The following GK variants were observed in gnomAD, a reference collection of about 807,000 sequenced individuals.
The protein encoded by GK is ATP:glycerol 3-phosphotransferase.
GK carries 9 observed loss-of-function variants against 56.4 expected under a neutral mutation model. The ratio of observed to expected loss-of-function variants is 0.16; its 90% confidence interval spans 0.10 to 0.28. The LOEUF is 0.28. Among genes scored for constraint, GK ranks in the 10% least tolerant of loss-of-function variants. GK has a pLI of 1.00. For missense variants in GK, 161 were observed against 431.4 expected (o/e 0.37, Z 5.55); for synonymous variants, 104 against 144.1 (o/e 0.72, Z 1.99).
At chrX:30,672,585 G>A (rs192065846) in intron 3 of GK, among the ~76,000 whole-genome samples, 27 of 112,066 alleles carry the variant, frequency 2.4e-4, no homozygotes, top group Admixed American at 2.2e-3. Context: ...AGACTGAGGC[G>A]GGCGGATCAC....
At chrX:30,721,910 A>C (rs192946047) in intron 18 of GK, 25 of 112,617 alleles carry the variant, frequency 2.2e-4, no homozygotes, top group Admixed American at 2.1e-3. Context: ...GGTTTTATAT[A>C]TTAGAATTGG....
intron 3 of GK, among the ~76,000 whole-genome samples, chrX:30,675,303 C>A (rs1439041673): frequency 9.3e-6 from 1 of 107,031 alleles, no homozygotes; most frequent in Non-Finnish European, 1.9e-5. Context: ...TCATGCCATT[C>A]TCCTGCCTCA....
At chrX:30,665,188 T>G (rs751394030) in intron 1 of GK, among the ~76,000 whole-genome samples, 2 of 112,120 alleles carry the variant, frequency 1.8e-5, no homozygotes, top group Non-Finnish European at 3.8e-5. Flanking sequence ...TATTCTTGGT[T>G]TTCCTATTCT....
chrX:30,719,384 G>A (rs368603761), intron 14 of GK, 35 bp from the exon 15 acceptor site: 7 of 841,338 alleles, frequency 8.3e-6, no homozygotes, highest in African/African-American at 2.0e-5. Flanking sequence ...CACAATATTT[G>A]TGTGATTTTT....
intron 2 of GK, among the ~76,000 whole-genome samples, chrX:30,667,382 A>T (rs1933156866): frequency 9.0e-6 from 1 of 110,935 alleles, no homozygotes; most frequent in Admixed American, 9.7e-5. Context: ...CTTCTCATTT[A>T]CTATTAGCCT....
intron 8 of GK, among the ~76,000 whole-genome samples, chrX:30,697,434 A>T (rs1261057881): frequency 8.9e-6 from 1 of 112,059 alleles, no homozygotes; most frequent in East Asian, 2.8e-4. Context: ...ATATAGATGA[A>T]CACTAAGTGC....
At chrX:30,662,646 A>ATAGGTTTT (rs1261422516) in intron 1 of GK, among the ~76,000 whole-genome samples, 2 of 110,743 alleles carry the variant, frequency 1.8e-5, no homozygotes, top group Non-Finnish European at 3.8e-5. Flanking sequence ...GGTTTTTATG[A>ATAGGTTTT]ATTCAGCCAG....
intron 20 of GK, 114 bp from the exon 21 acceptor site, chrX:30,728,618 T>C: frequency 1.7e-6 from 1 of 576,601 alleles, no homozygotes; most frequent in Non-Finnish European, 3.1e-6. Context: ...AGGCATGATT[T>C]AGAAATCATA....
At chrX:30,656,358 T>G (rs985845199) in intron 1 of GK, among the ~76,000 whole-genome samples, 9 of 112,530 alleles carry the variant, frequency 8.0e-5, no homozygotes, top group Non-Finnish European at 1.5e-4. Flanking sequence ...TTCCTATTAT[T>G]CATTAAATTT....
intron 4 of GK, among the ~76,000 whole-genome samples, chrX:30,680,218 C>T (rs1934203370): frequency 9.0e-6 from 1 of 111,568 alleles, no homozygotes; most frequent in South Asian, 3.7e-4. Flanking sequence ...TAAGTGCTAA[C>T]TGCTATTACT....
intron 3 of GK, among the ~76,000 whole-genome samples, chrX:30,671,014 G>A (rs1350866956): frequency 4.6e-5 from 5 of 108,122 alleles, no homozygotes; most frequent in African/African-American, 6.8e-5. Context: ...AAGGCTGGGC[G>A]CACAGTGGCT....
At chrX:30,680,410 G>A (rs779123609) in intron 4 of GK, among the ~76,000 whole-genome samples, 20 of 112,079 alleles carry the variant, frequency 1.8e-4, no homozygotes, top group Non-Finnish European at 2.8e-4. Context: ...CTTAAAGCTT[G>A]TGTTCTAATT....
At chrX:30,653,764 A>G (rs1373554226) in intron 1 of GK, 149 bp downstream of exon 1, 2 of 548,044 alleles carry the variant, frequency 3.6e-6, no homozygotes, top group African/African-American at 4.6e-5. Context: ...GACCTGCCAC[A>G]CTGGGGATGC....
At chrX:30,667,715 T>G (rs774891640) in intron 2 of GK, among the ~76,000 whole-genome samples, 4 of 112,379 alleles carry the variant, frequency 3.6e-5, no homozygotes, top group Non-Finnish European at 7.5e-5. Context: ...GAAGGGGAAC[T>G]AATTTCTTAT....
intron 3 of GK, among the ~76,000 whole-genome samples, chrX:30,676,262 G>A (rs1933897995): frequency 8.9e-6 from 1 of 111,847 alleles, no homozygotes; most frequent in Non-Finnish European, 1.9e-5. Context: ...GTAGAGGTGA[G>A]GTCTTGCTAC....
chrX:30,673,094 A>C lies in GK; in HGVS notation c.260-4281A>C, dbSNP rs144074723. On this transcript the variant is annotated intron_variant, in intron 3 of 20. Coordinates refer to ENST00000427190, the MANE Select transcript of GK (RefSeq NM_001205019.2). ...TTAACTGTGATTATAACTTCACGGA[A>C]AATTTTAAGAAAAATTAACCAGGGA... is the stretch of plus-strand genomic sequence containing the variant. Among the ~76,000 whole-genome samples the C allele has an allele frequency of 3.3e-3, 374 of 112,182 alleles. 1 individual carries two copies. The highest frequency in any genetic ancestry group is 0.019 in the Middle Eastern group (4 of 215).
At chrX:30,658,460 T>C (rs1418372154) in intron 1 of GK, among the ~76,000 whole-genome samples, 2 of 111,413 alleles carry the variant, frequency 1.8e-5, no homozygotes, top group African/African-American at 6.5e-5. Context: ...GGATTACAGG[T>C]GTGCGCCACC....
chrX:30,685,012 T>C (rs1470355834), intron 4 of GK, among the ~76,000 whole-genome samples: 1 of 112,608 alleles, frequency 8.9e-6, no homozygotes, highest in Non-Finnish European at 1.9e-5. Flanking sequence ...TCAATCCTTT[T>C]ATCTTTTCTG....
At chrX:30,719,244 A>G in intron 14 of GK, among the ~76,000 whole-genome samples, 175 bp from the exon 15 acceptor site, 1 of 111,679 alleles carries the variant, frequency 9.0e-6, no homozygotes, top group Middle Eastern at 4.6e-3. Context: ...TTAATGTGAG[A>G]GAAACTCATT....
Sources: allele counts gnomAD v4.1 joint callset (sites outside exome capture counted in the v4.1 genomes callset), GRCh38; gene constraint gnomAD v4.1.1; transcripts MANE v1.5; gene names NCBI Gene and HGNC (gene_info 2026-07-23, HGNC 2026-07-21).